Variants in NPR3 observed in about 807,000 individuals in gnomAD.
The protein encoded by NPR3 is natriuretic peptide receptor 3.
Under a neutral mutation model 54.5 loss-of-function variants are expected in NPR3, and 34 were observed. That is an observed-to-expected ratio of 0.62 (90% CI 0.47 to 0.83). The LOEUF is 0.83. NPR3 is among the 40% of genes least tolerant of loss of function. NPR3 has a pLI of 0.00. For synonymous variants in NPR3, 289 were observed against 297.1 expected (o/e 0.97, Z 0.28); for missense variants, 674 against 720.8 (o/e 0.94, Z 0.74).
At chr5:32,697,079 G>T (rs112986089) in intron 1 of NPR3, among the ~76,000 whole-genome samples, 13,892 of 152,028 alleles carry the variant, frequency 0.091, 2,061 homozygotes, top group African/African-American at 0.32. Context: ...AGGCTTTCAG[G>T]TTTTCCCTAT....
chr5:32,739,097 T>G, intron 3 of NPR3, 67 bp downstream of exon 3: 1 of 1,488,552 alleles, frequency 6.7e-7, no homozygotes, highest in Non-Finnish European at 9.2e-7. Flanking sequence ...AAATCAGAGA[T>G]GACAGAGTGT....
At chr5:32,692,026 C>A (rs1486279382) in intron 1 of NPR3, among the ~76,000 whole-genome samples, 1 of 152,104 alleles carries the variant, frequency 6.6e-6, no homozygotes, top group Non-Finnish European at 1.5e-5. Context: ...ATATATTAAA[C>A]ACATTAAGAA....
At chr5:32,773,155 A>G (rs1741860818) in intron 3 of NPR3, among the ~76,000 whole-genome samples, 1 of 152,206 alleles carries the variant, frequency 6.6e-6, no homozygotes, top group Non-Finnish European at 1.5e-5. Context: ...AAGCCATGCC[A>G]GGTGGTCATC....
At chr5:32,735,523 C>A (rs1199523628) in intron 2 of NPR3, among the ~76,000 whole-genome samples, 1 of 148,092 alleles carries the variant, frequency 6.8e-6, no homozygotes. Flanking sequence ...ATAATTGTAA[C>A]ATCCCAAGAA....
chr5:32,750,379 G>A (rs1740517783), intron 3 of NPR3, among the ~76,000 whole-genome samples: 1 of 152,108 alleles, frequency 6.6e-6, no homozygotes, highest in South Asian at 2.1e-4. Flanking sequence ...CAGGTGATCC[G>A]CCCACCTCAG....
At chr5:32,753,387 A>G (rs2111987996) in intron 3 of NPR3, among the ~76,000 whole-genome samples, 1 of 152,026 alleles carries the variant, frequency 6.6e-6, no homozygotes, top group East Asian at 1.9e-4. Context: ...CTTCTTCACA[A>G]TTGAAACACA....
chr5:32,789,303 G>A lies in NPR3; in HGVS notation c.*2958G>A. ...ATTTTTGGGTAGGGGGGCCAGGTAG[G>A]GGGAGACTCAGAAATAAAAGCGTTC... is the stretch of plus-strand genomic sequence containing the variant. On this transcript the variant is annotated 3_prime_UTR_variant, in exon 8 of 8. Transcript: ENST00000265074. 2.3e-6 allele frequency: 1 copy of A among 430,246 alleles called. No homozygotes were observed. The highest frequency in any genetic ancestry group is 4.7e-6 in the Non-Finnish European group (1 of 214,434). The allele number at this position is 430,246 out of a possible 1,614,324, so 26.7% of individuals were successfully genotyped here. A position where few individuals can be genotyped will look rare whatever the true frequency, so the allele number is the denominator to read the frequency against.
intron 3 of NPR3, among the ~76,000 whole-genome samples, chr5:32,761,980 C>A (rs1281944603): frequency 1.3e-5 from 2 of 152,030 alleles, no homozygotes; most frequent in Non-Finnish European, 2.9e-5. Context: ...GTGTGATATT[C>A]CCCTCCCTGT....
At chr5:32,745,237 A>T (rs1740234106) in intron 3 of NPR3, among the ~76,000 whole-genome samples, 1 of 152,132 alleles carries the variant, frequency 6.6e-6, no homozygotes, top group South Asian at 2.1e-4. Flanking sequence ...GGTTCTGAGG[A>T]CCATCTGGAG....
chr5:32,767,911 T>C (rs146181381), intron 3 of NPR3, among the ~76,000 whole-genome samples: 1 of 152,202 alleles, frequency 6.6e-6, no homozygotes, highest in Non-Finnish European at 1.5e-5. Flanking sequence ...ACATGCTCCT[T>C]CTGATTTTGG....
intron 3 of NPR3, among the ~76,000 whole-genome samples, chr5:32,739,556 C>A (rs1256392921): frequency 6.6e-6 from 1 of 152,244 alleles, no homozygotes; most frequent in East Asian, 1.9e-4. Context: ...TTCCTACTCA[C>A]ATATTGTAGG....
At chr5:32,717,776 T>C (rs1455558734) in intron 1 of NPR3, among the ~76,000 whole-genome samples, 1 of 152,228 alleles carries the variant, frequency 6.6e-6, no homozygotes, top group African/African-American at 2.4e-5. Context: ...GATGGGTAGA[T>C]TGCAAAAATT....
chr5:32,762,352 C>A (rs1741221650), intron 3 of NPR3, among the ~76,000 whole-genome samples: 1 of 151,530 alleles, frequency 6.6e-6, no homozygotes. Context: ...GGTTCTAGAT[C>A]CTTGAGGAAT....
Position 32,712,118 on chromosome 5 carries a change from C to T in NPR3, c.342C>T (p.Phe114=). The T allele has an allele frequency of 6.2e-7, 1 of 1,613,698 alleles. No individual in the cohort carries two copies. The highest frequency in any genetic ancestry group is 8.5e-7 in the Non-Finnish European group (1 of 1,179,802). The change falls in exon 1 of 8, where the codon TTC becomes TTT. Residue 114 remains phenylalanine, a synonymous_variant. Coordinates refer to ENST00000265074, the MANE Select transcript of NPR3 (RefSeq NM_001204375.2). ...EDSDCGNRAL[F]SLVDRVAAAR... ...CAGACTGTGGGAACCGTGCGCTCTT[C>T]AGCTTGGTGGACCGCGTGGCGGCGG...
intron 1 of NPR3, among the ~76,000 whole-genome samples, chr5:32,713,799 TC>T (rs1738395957): frequency 6.6e-6 from 1 of 152,212 alleles, no homozygotes; most frequent in Non-Finnish European, 1.5e-5. Context: ...CGCCTTGCCA[TC>T]TTGGCCACCT....
At position 32,786,601 on chromosome 5, in the gene NPR3, C is replaced by A; in HGVS notation, c.*256C>A. 1 of 414,196 alleles carries A rather than the reference C, an allele frequency of 2.4e-6. No homozygotes were observed. Among genetic ancestry groups the A allele is most frequent in the Non-Finnish European group, 4.2e-6 (1 of 238,372 alleles). 25.7% of individuals were successfully genotyped at this position (414,196 alleles called of 1,614,324 possible). On this transcript the variant is annotated 3_prime_UTR_variant, in exon 8 of 8. Transcript: ENST00000265074. ...GTTAAATGTTCATACTGTTTCAAGC[C>A]CATATGATTAGATTTATGTTTTTAA...
chr5:32,790,359 C>G lies in NPR3; in HGVS notation c.*4014C>G, dbSNP rs1742846821. On this transcript the variant is annotated 3_prime_UTR_variant, in exon 8 of 8. Transcript: ENST00000265074. ...TTACTGCCCCTTCTGCCCCTCCACC[C>G]ACATCCACATTCAGCATCACTCCAA... 1 of 149,258 alleles carries G rather than the reference C, an allele frequency of 6.7e-6. No homozygotes were observed. The highest frequency in any genetic ancestry group is 1.5e-5 in the Non-Finnish European group (1 of 68,642). 9.2% of individuals were successfully genotyped at this position (149,258 alleles called of 1,614,324 possible).
In NPR3 at chr5:32,744,119, A is replaced by G. The variant is rs566154558; in HGVS notation, c.1059+5089A>G. The stretch of plus-strand genomic sequence containing the variant: ...GTGATTCTCCTGCCTCAGCCTCCCA[A>G]GTAGCTGAGATTACAGGCACGTGCC... On this transcript the variant is annotated intron_variant, in intron 3 of 7. Coordinates refer to ENST00000265074, the MANE Select transcript of NPR3 (RefSeq NM_001204375.2). Among the ~76,000 whole-genome samples, 5 of 151,590 alleles carry G rather than the reference A, an allele frequency of 3.3e-5. No homozygotes were observed. The South Asian group carries it at 1.0e-3, about 32-fold the overall frequency.
At chr5:32,742,186 C>G (rs527309043) in intron 3 of NPR3, among the ~76,000 whole-genome samples, 4 of 151,958 alleles carry the variant, frequency 2.6e-5, no homozygotes, top group Non-Finnish European at 4.4e-5. Flanking sequence ...CTCTGCTATC[C>G]GTCTTGAATT....
Sources: gnomAD v4.1 joint callset for allele counts (sites outside exome capture counted in the v4.1 genomes callset) on GRCh38, gnomAD v4.1.1 for gene constraint, MANE v1.5 for transcripts, NCBI Gene and HGNC (gene_info 2026-07-23, HGNC 2026-07-21) for gene names.